Variants in HIF1AN observed in about 807,000 individuals in gnomAD.
The protein encoded by HIF1AN is hypoxia-inducible factor 1-alpha inhibitor.
A neutral mutation model predicts 47.7 loss-of-function variants in HIF1AN; 21 were observed. The ratio of observed to expected loss-of-function variants is 0.44; its 90% confidence interval spans 0.31 to 0.63. The LOEUF is 0.63. Among genes scored for constraint, HIF1AN ranks in the 30% least tolerant of loss-of-function variants. The probability of loss-of-function intolerance (pLI) is 0.07; values close to 1 mark genes in which losing one functional copy is unlikely to be tolerated. For missense variants in HIF1AN, 320 were observed against 432.7 expected (o/e 0.74, Z 2.31); for synonymous variants, 152 against 155.9 (o/e 0.98, Z 0.18).
intron 3 of HIF1AN, among the ~76,000 whole-genome samples, 179 bp from the exon 4 acceptor site, chr10:100,544,772 A>G (rs1345409407): frequency 6.6e-6 from 1 of 152,210 alleles, no homozygotes; most frequent in Non-Finnish European, 1.5e-5. Flanking sequence ...ATTACCATAC[A>G]AGCTTAACAC....
rs1245192434 is a variant in HIF1AN, at chr10:100,545,973, T to C, written c.754T>C (p.Phe252Leu). The C allele has an allele frequency of 1.2e-6, 2 of 1,613,822 alleles. No homozygotes were observed. Among genetic ancestry groups the C allele is most frequent in the Non-Finnish European group, 1.7e-6 (2 of 1,179,908 alleles). ...VDFDNPDYER[F>L]PNFQNVVGYE... ...CTTTGACAATCCCGACTACGAGAGG[T>C]TCCCTAATTTCCAAAATGTGGTTGG... The change falls in exon 5 of 8, where the codon TTC becomes CTC. Residue 252 changes from phenylalanine to leucine, a missense_variant. Phe to Leu is a conservative substitution (Grantham distance 22). Coordinates refer to ENST00000299163, the MANE Select transcript of HIF1AN (RefSeq NM_017902.3).
At chr10:100,543,672 C>T (rs1479709939) in intron 3 of HIF1AN, among the ~76,000 whole-genome samples, 1 of 152,270 alleles carries the variant, frequency 6.6e-6, no homozygotes. Flanking sequence ...TTCCGGTTCA[C>T]ACCATTCTTC....
At position 100,550,654 on chromosome 10, in the gene HIF1AN, C is replaced by T. The variant is rs1843148649; in HGVS notation, c.*2517C>T. 6.6e-6 allele frequency: 1 copy of T among 152,210 alleles called. No individual in the cohort carries two copies. Among genetic ancestry groups the T allele is most frequent in the Non-Finnish European group, 1.5e-5 (1 of 68,064 alleles). 9.4% of individuals were successfully genotyped at this position (152,210 alleles called of 1,614,324 possible). Reference sequence around the variant, plus strand: ...TCTTCTGGGCTCCTGCTAACAAAGTCTTGGAAAAACTGCCTGGGAAGCCAT... The same window carrying T: ...TCTTCTGGGCTCCTGCTAACAAAGTTTTGGAAAAACTGCCTGGGAAGCCAT... On this transcript the variant is annotated 3_prime_UTR_variant, in exon 8 of 8. Transcript: ENST00000299163.
chr10:100,546,584 G>T lies in HIF1AN; in HGVS notation c.894+3G>T, dbSNP rs1252275053. ...TCACTGTGAACTTCTGGTATAAGGTGAATATGGTTTGCTTTTTTTGTTTTT... is the reference window on the plus strand; with the variant it reads ...TCACTGTGAACTTCTGGTATAAGGTTAATATGGTTTGCTTTTTTTGTTTTT... On this transcript the variant is annotated splice_donor_region_variant and intron_variant, in intron 6 of 7. Coordinates refer to ENST00000299163, the MANE Select transcript of HIF1AN (RefSeq NM_017902.3). The T allele has an allele frequency of 6.2e-7, 1 of 1,612,562 alleles. No homozygotes were observed. Among genetic ancestry groups the T allele is most frequent in the Non-Finnish European group, 8.5e-7 (1 of 1,179,120 alleles).
intron 1 of HIF1AN, 101 bp downstream of exon 1, chr10:100,536,236 C>G: frequency 7.5e-7 from 1 of 1,336,368 alleles, no homozygotes; most frequent in Non-Finnish European, 1.0e-6. Flanking sequence ...GGGCTCTAGA[C>G]TAGGGCCTAT....
chr10:100,541,151 G>A (rs964760896), intron 3 of HIF1AN, among the ~76,000 whole-genome samples: 2 of 152,158 alleles, frequency 1.3e-5, no homozygotes, highest in South Asian at 4.1e-4. Context: ...CCCAGGCGGT[G>A]GAGGTTGCAG....
chr10:100,535,958 G>A lies in HIF1AN; in HGVS notation c.-1G>A. The A allele has an allele frequency of 6.5e-7, 1 of 1,548,980 alleles. No homozygotes were observed. Among genetic ancestry groups the A allele is most frequent in the Non-Finnish European group, 8.7e-7 (1 of 1,147,646 alleles). On this transcript the variant is annotated 5_prime_UTR_variant, in exon 1 of 8. Coordinates refer to ENST00000299163, the MANE Select transcript of HIF1AN (RefSeq NM_017902.3). ...GGTGGGGGCCGTCCCTGGCGGCGGA[G>A]ATGGCGGCGACAGCGGCGGAGGCTG...
chr10:100,544,870 T>A, intron 3 of HIF1AN, 81 bp from the exon 4 acceptor site: 1 of 1,361,762 alleles, frequency 7.3e-7, no homozygotes, highest in Non-Finnish European at 1.0e-6. Context: ...AGGCTGGGTT[T>A]CTCTTTAGCA....
At position 100,555,096 on chromosome 10, in the gene HIF1AN, A is replaced by C. The variant is rs1254576518; in HGVS notation, c.*6959A>C. 1 of 152,222 alleles carries C rather than the reference A, an allele frequency of 6.6e-6. No homozygotes were observed. Among genetic ancestry groups the C allele is most frequent in the Admixed American group, 6.5e-5 (1 of 15,286 alleles). The allele number at this position is 152,222 out of a possible 1,614,324, so 9.4% of individuals were successfully genotyped here. On this transcript the variant is annotated 3_prime_UTR_variant, in exon 8 of 8. Transcript: ENST00000299163. ...CAAGCTGATATGTGGAAGATGAATAATTAACCAGAGGTTGGGGGATTTCCC... is the reference window on the plus strand; with the variant it reads ...CAAGCTGATATGTGGAAGATGAATACTTAACCAGAGGTTGGGGGATTTCCC...
At position 100,546,014 on chromosome 10, in the gene HIF1AN, T is replaced by C. The variant is rs1402904654; in HGVS notation, c.795T>C (p.Val265=). Residue 265 remains valine (V), a synonymous_variant, in exon 5 of 8, where the codon GTT becomes GTC. Transcript: ENST00000299163. Reference sequence around the variant, plus strand: ...ATGTGGTTGGTTACGAAACAGTGGTTGGCCCTGGTGATGTTCTTTACATCC... The same window carrying C: ...ATGTGGTTGGTTACGAAACAGTGGTCGGCCCTGGTGATGTTCTTTACATCC... ...FQNVVGYETV[V]GPGDVLYIPM... 6.2e-7 allele frequency: 1 copy of C among 1,613,898 alleles called. No homozygotes were observed. The highest frequency in any genetic ancestry group is 1.7e-5 in the Admixed American group (1 of 60,000).
Position 100,556,042 on chromosome 10 carries a change from C to T in HIF1AN, c.*7905C>T, listed in dbSNP as rs533506290. On this transcript the variant is annotated 3_prime_UTR_variant, in exon 8 of 8. Transcript: ENST00000299163. ...GTAAGGCTTAGCAGAATGACCGGTCCATAGCAAGGGCTCAGTCTTTCTGTG... is the reference window on the plus strand; with the variant it reads ...GTAAGGCTTAGCAGAATGACCGGTCTATAGCAAGGGCTCAGTCTTTCTGTG... The T allele has an allele frequency of 2.0e-5, 3 of 152,192 alleles. No homozygotes were observed. Among genetic ancestry groups the T allele is most frequent in the Non-Finnish European group, 4.4e-5 (3 of 68,042 alleles). 9.4% of individuals were successfully genotyped at this position (152,192 alleles called of 1,614,324 possible). A position where few individuals can be genotyped will look rare whatever the true frequency, so the allele number is the denominator to read the frequency against.
In HIF1AN at chr10:100,550,251, A is replaced by G. The variant is rs1843144278; in HGVS notation, c.*2114A>G. ...CTAAGGTGGCTGAGGGGTGGGAGGG[A>G]GAAGGCTAATCTTGGAACCTTCACA... On this transcript the variant is annotated 3_prime_UTR_variant, in exon 8 of 8. Transcript: ENST00000299163. 1 of 152,162 alleles carries G rather than the reference A, an allele frequency of 6.6e-6. No homozygotes were observed. 9.4% of individuals were successfully genotyped at this position (152,162 alleles called of 1,614,324 possible).
At chr10:100,545,843 TTG>T in intron 4 of HIF1AN, 98 bp from the exon 5 acceptor site, 11 of 734,930 alleles carry the variant, frequency 1.5e-5, no homozygotes, top group East Asian at 1.0e-4. Context: ...CGTTTTTTTT[TTG>T]TTTGTTTGTT....
intron 4 of HIF1AN, 42 bp from the exon 5 acceptor site, chr10:100,545,901 T>C (rs1431616775): frequency 1.5e-6 from 2 of 1,335,602 alleles, no homozygotes; most frequent in Non-Finnish European, 2.2e-6. Context: ...CTGGTGAAGA[T>C]TTGGTGATTG....
chr10:100,545,967 G>A lies in HIF1AN; in HGVS notation c.748G>A (p.Glu250Lys), dbSNP rs926777417. The change falls in exon 5 of 8, where the codon GAG (glutamate) becomes AAG (lysine). Residue 250 changes from glutamate to lysine, a missense_variant. Coordinates refer to ENST00000299163, the MANE Select transcript of HIF1AN (RefSeq NM_017902.3). Reference protein sequence around the residue: ...SQVDFDNPDYERFPNFQNVVG... With the variant: ...SQVDFDNPDYKRFPNFQNVVG... ...GGTGGACTTTGACAATCCCGACTAC[G>A]AGAGGTTCCCTAATTTCCAAAATGT... 5.0e-6 allele frequency: 8 copies of A among 1,613,562 alleles called. No individual in the cohort carries two copies. Among genetic ancestry groups the A allele is most frequent in the Admixed American group, 1.7e-5 (1 of 59,976 alleles).
Position 100,536,640 on chromosome 10 carries a change from A to G in HIF1AN, c.407A>G (p.Gln136Arg). 1 of 1,614,200 alleles carries G rather than the reference A, an allele frequency of 6.2e-7. No individual in the cohort carries two copies. The highest frequency in any genetic ancestry group is 8.5e-7 in the Non-Finnish European group (1 of 1,180,018). ...HEFVEKLQDI[Q>R]QRGGEERLYL... is the part of the protein sequence containing the mutation. ...TTCGTTGAGAAACTGCAGGATATAC[A>G]GCAGCGAGGAGGGGAAGAGAGGTAA... Residue 136 changes from glutamine (Q) to arginine (R), a missense_variant, in exon 2 of 8, where the codon CAG becomes CGG. Around this residue, in one of 2 missense-constraint regions of HIF1AN, gnomAD observed 161 missense variants for 272.8 expected, o/e 0.59. Transcript: ENST00000299163.
Position 100,540,759 on chromosome 10 carries a change from A to G in HIF1AN, c.554A>G (p.Asn185Ser), listed in dbSNP as rs200501474. The G allele has an allele frequency of 6.2e-7, 1 of 1,611,314 alleles. No individual in the cohort carries two copies. Among genetic ancestry groups the G allele is most frequent in the Non-Finnish European group, 8.5e-7 (1 of 1,179,282 alleles). ...CGTGGCTGGGGGCAGCTTACCTCTA[A>G]CCTGCTGCTCATTGGCATGGAAGGT... ...GKRGWGQLTS[N>S]LLLIGMEGNV... Residue 185 changes from asparagine (N) to serine (S), a missense_variant, in exon 3 of 8, where the codon AAC becomes AGC. Physicochemically the swap from Asn to Ser is conservative, Grantham distance 46 (BLOSUM62 1). Around this residue, in one of 2 missense-constraint regions of HIF1AN, gnomAD observed 161 missense variants for 272.8 expected, o/e 0.59. Transcript: ENST00000299163.
chr10:100,548,960 C>G lies in HIF1AN; in HGVS notation c.*823C>G, dbSNP rs1843124000. ...GGGAGTTCTCCTAGCTGTGGCTTCT[C>G]TAGGTTCTAGGGGTGCAAGCCTCTG... On this transcript the variant is annotated 3_prime_UTR_variant, in exon 8 of 8. Coordinates refer to ENST00000299163, the MANE Select transcript of HIF1AN (RefSeq NM_017902.3). 1 of 152,248 alleles carries G rather than the reference C, an allele frequency of 6.6e-6. No individual in the cohort carries two copies. The highest frequency in any genetic ancestry group is 2.4e-5 in the African/African-American group (1 of 41,354). The allele number at this position is 152,248 out of a possible 1,614,324, so 9.4% of individuals were successfully genotyped here. A position where few individuals can be genotyped will look rare whatever the true frequency, so the allele number is the denominator to read the frequency against.
intron 4 of HIF1AN, 94 bp from the exon 5 acceptor site, chr10:100,545,848 TG>T: frequency 3.8e-6 from 3 of 793,794 alleles, no homozygotes. Flanking sequence ...TTTTTTTGTT[TG>T]TTTGTTTGTT....
Sources: gnomAD v4.1 joint callset for allele counts (sites outside exome capture counted in the v4.1 genomes callset) on GRCh38, gnomAD v4.1.1 for gene constraint, gnomAD v4.1.1 regional missense constraint, MANE v1.5 for transcripts, NCBI Gene and HGNC (gene_info 2026-07-23, HGNC 2026-07-21) for gene names.